Variants in CYBC1 observed in about 807,000 individuals in gnomAD.
CYBC1 encodes the protein cytochrome b-245 chaperone 1.
Under a neutral mutation model 21.7 loss-of-function variants are expected in CYBC1, and 22 were observed. That is an observed-to-expected ratio of 1.02 (90% confidence interval 0.73 to 1.45). The LOEUF (loss-of-function observed/expected upper bound fraction) is 1.45, where lower values mean the gene tolerates loss of function less well. Ranked by LOEUF, CYBC1 falls within the 40% of genes most tolerant of loss-of-function variation. CYBC1 has a pLI of 0.00. For missense variants in CYBC1, 237 were observed against 242.1 expected, an observed-to-expected ratio of 0.98 and a Z score of 0.14; for synonymous variants, 112 against 98.7, an observed-to-expected ratio of 1.13 and a Z score of -0.80.
intron 4 of CYBC1, 142 bp downstream of exon 4, chr17:82,446,481 G>A (rs1007248923): frequency 6.8e-6 from 5 of 739,526 alleles, no homozygotes; most frequent in Non-Finnish European, 1.2e-5. Flanking sequence ...CTGATGAACG[G>A]AGACCTCCAA....
In CYBC1 at chr17:82,444,050, G is replaced by A; in HGVS notation, c.518C>T (p.Ser173Phe). 6.2e-7 allele frequency: 1 copy of A among 1,613,600 alleles called. No individual in the cohort carries two copies. The highest frequency in any genetic ancestry group is 8.5e-7 in the Non-Finnish European group (1 of 1,179,996). ...ACCGGCCTCACTGTCGCTGCTCTGA[G>A]ACAGCTCTGTGGGGCTCTCAAGGCA... is the stretch of plus-strand genomic sequence containing the variant. Reference protein sequence around the residue: ...LHCLESPTELSQSSDSEAGDP... With the variant: ...LHCLESPTELFQSSDSEAGDP... The change falls in exon 7 of 7, where the codon TCT (serine) becomes TTT (phenylalanine). Residue 173 changes from serine to phenylalanine, a missense_variant. Ser to Phe is a radical substitution (Grantham distance 155). Transcript: ENST00000306645.
rs766201909 is a variant in CYBC1, at chr17:82,443,207, G to A, written c.*797C>T. 74 of 303,988 alleles carry A rather than the reference G, an allele frequency of 2.4e-4. No homozygotes were observed. The highest frequency in any genetic ancestry group is 4.2e-4 in the East Asian group (5 of 11,888). The allele number at this position is 303,988 out of a possible 1,614,324, so 18.8% of individuals were successfully genotyped here. A position where few individuals can be genotyped will look rare whatever the true frequency, so the allele number is the denominator to read the frequency against. On this transcript the variant is annotated 3_prime_UTR_variant, in exon 7 of 7. Coordinates refer to ENST00000306645, the MANE Select transcript of CYBC1 (RefSeq NM_001033046.4). This position sits in a 1 kb window ranked among gnomAD's most constrained non-coding sequence, Gnocchi z 6.7. ...ATTACTGGCATGAACCACTGCGCCC[G>A]GCTGGAGCTCCCGGTTTTTAAGCAC... is the stretch of plus-strand genomic sequence containing the variant.
intron 3 of CYBC1, chr17:82,447,077 G>T: frequency 3.0e-6 from 1 of 335,534 alleles, no homozygotes; most frequent in Non-Finnish European, 5.6e-6. Context: ...AATGTGGCCG[G>T]GCGCAGTGGC....
At chr17:82,450,523 C>G (rs1047705417) in intron 1 of CYBC1, 177 bp downstream of exon 1, 5 of 152,220 alleles carry the variant, frequency 3.3e-5, no homozygotes, top group African/African-American at 9.7e-5. Context: ...CTCCCGCCGC[C>G]GGGGCCAACC....
In CYBC1 at chr17:82,443,364, A is replaced by T; in HGVS notation, c.*640T>A. 1 of 467,606 alleles carries T rather than the reference A, an allele frequency of 2.1e-6. No individual in the cohort carries two copies. Among genetic ancestry groups the T allele is most frequent in the Non-Finnish European group, 4.0e-6 (1 of 249,548 alleles). The allele number at this position is 467,606 out of a possible 1,614,324, so 29.0% of individuals were successfully genotyped here. ...GTCTATGCGCCGAGATCCTGGCATC[A>T]GCAAGGGAGGCGGGTCCTCGGGGAG... is the stretch of plus-strand genomic sequence containing the variant. On this transcript the variant is annotated 3_prime_UTR_variant, in exon 7 of 7. Coordinates refer to ENST00000306645, the MANE Select transcript of CYBC1 (RefSeq NM_001033046.4). The surrounding 1 kb of genome is among the most constrained non-coding windows in gnomAD (Gnocchi z 6.7).
chr17:82,445,217 G>A, intron 5 of CYBC1: 1 of 154,140 alleles, frequency 6.5e-6, no homozygotes, highest in Non-Finnish European at 1.4e-5. Flanking sequence ...CTATGCATGG[G>A]CGGCCGGACC....
intron 5 of CYBC1, chr17:82,444,911 C>T (rs2054189958): frequency 3.9e-6 from 1 of 257,908 alleles, no homozygotes. Context: ...CTCCAGGTCT[C>T]CCCAAGGTTG....
At chr17:82,446,913 G>C (rs1483141430) in intron 3 of CYBC1, 1 of 590,282 alleles carries the variant, frequency 1.7e-6, no homozygotes, top group Admixed American at 3.0e-5. Flanking sequence ...GAGAGAGGCA[G>C]GTGGGGCGCA....
In CYBC1 at chr17:82,449,228, G is replaced by T; in HGVS notation, c.27C>A (p.Thr9=). Residue 9 remains threonine (T), a synonymous_variant, in exon 2 of 7, where the codon ACC becomes ACA. Transcript: ENST00000306645. The part of the protein sequence containing the change: MYLQVETR[T]SSRLHLKRAP... ...CCCTCTTCAGATGGAGGCGGGAGCT[G>T]GTGCGGGTCTCCACCTGCAGGTACA... 1.3e-6 allele frequency: 2 copies of T among 1,578,986 alleles called. No individual in the cohort carries two copies. The highest frequency in any genetic ancestry group is 1.7e-6 in the Non-Finnish European group (2 of 1,162,766).
Position 82,442,766 on chromosome 17 carries a change from G to A in CYBC1, c.*1238C>T, listed in dbSNP as rs906277645. On this transcript the variant is annotated 3_prime_UTR_variant, in exon 7 of 7. Transcript: ENST00000306645. This position sits in a 1 kb window ranked among gnomAD's most constrained non-coding sequence, Gnocchi z 6.8. ...GCTTTCACCGAGGTCACAGCCAGAC[G>A]TGGGGCAAAGGTGTTCCCTGTCCTA... 1.7e-5 allele frequency: 11 copies of A among 634,512 alleles called. No homozygotes were observed. Among genetic ancestry groups the A allele is most frequent in the African/African-American group, 9.1e-5 (5 of 54,736 alleles). The allele number at this position is 634,512 out of a possible 1,614,324, so 39.3% of individuals were successfully genotyped here.
At position 82,449,264 on chromosome 17, in the gene CYBC1, G is replaced by C. The variant is rs1462222544; in HGVS notation, c.-10C>G. ...CCACCTGCAGGTACATCCCGAGAGG[G>C]CAGCACCACTCTCTACAGGAGGAGG... On this transcript the variant is annotated 5_prime_UTR_variant, in exon 2 of 7. Transcript: ENST00000306645. The C allele has an allele frequency of 6.4e-7, 1 of 1,555,566 alleles. No homozygotes were observed. Among genetic ancestry groups the C allele is most frequent in the African/African-American group, 1.4e-5 (1 of 73,170 alleles).
In CYBC1 at chr17:82,449,231, G is replaced by A; in HGVS notation, c.24C>T (p.Arg8=). The A allele has an allele frequency of 6.3e-7, 1 of 1,577,854 alleles. No homozygotes were observed. The highest frequency in any genetic ancestry group is 8.6e-7 in the Non-Finnish European group (1 of 1,162,186). Residue 8 remains arginine (R), a synonymous_variant, in exon 2 of 7, where the codon CGC becomes CGT. Coordinates refer to ENST00000306645, the MANE Select transcript of CYBC1 (RefSeq NM_001033046.4). MYLQVET[R]TSSRLHLKRA... is the part of the protein sequence containing the mutation. The stretch of plus-strand genomic sequence containing the variant: ...TCTTCAGATGGAGGCGGGAGCTGGT[G>A]CGGGTCTCCACCTGCAGGTACATCC...
chr17:82,444,871 G>A (rs1182415583), intron 5 of CYBC1: 2 of 446,330 alleles, frequency 4.5e-6, no homozygotes, highest in Admixed American at 7.5e-5. Flanking sequence ...GACCCGCTCA[G>A]CGCGAGGCCA....
In CYBC1 at chr17:82,445,596, CCT is replaced by C. The variant is rs2054235118; in HGVS notation, c.298+266_298+267del. On this transcript the variant is annotated intron_variant, in intron 5 of 6. Transcript: ENST00000306645. ...ACCCCTGCTCTGCCAGACCCCTGCT[CCT>C]CAGACCCCTGCTCCTCCCACTCTCC... 27 of 383,188 alleles carry C rather than the reference CCT, an allele frequency of 7.0e-5. No individual in the cohort carries two copies. The Admixed American group carries it at 1.1e-3, about 16-fold the overall frequency. The allele number at this position is 383,188 out of a possible 1,614,324, so 23.7% of individuals were successfully genotyped here.
At chr17:82,446,479 C>G in intron 4 of CYBC1, 144 bp downstream of exon 4, 1 of 731,920 alleles carries the variant, frequency 1.4e-6, no homozygotes, top group Non-Finnish European at 2.3e-6. Context: ...TCCTGATGAA[C>G]GGAGACCTCC....
chr17:82,443,562 C>T lies in CYBC1; in HGVS notation c.*442G>A, dbSNP rs1437940767. On this transcript the variant is annotated 3_prime_UTR_variant, in exon 7 of 7. Transcript: ENST00000306645. The surrounding 1 kb of genome is among the most constrained non-coding windows in gnomAD (Gnocchi z 6.7). ...CCACAAGGGCCCGGCCTGGCCCCGC[C>T]TCTCCACTCGCCCGAGGTCTTGCTG... 9 of 701,900 alleles carry T rather than the reference C, an allele frequency of 1.3e-5. No homozygotes were observed. In the East Asian group the frequency reaches 2.4e-4, roughly 19 times the overall value. 43.5% of individuals were successfully genotyped at this position (701,900 alleles called of 1,614,324 possible).
intron 5 of CYBC1, chr17:82,444,863 C>A: frequency 4.2e-6 from 2 of 473,750 alleles, no homozygotes; most frequent in Non-Finnish European, 3.8e-6. Context: ...ACTGCGGGGA[C>A]CCGCTCAGCG....
rs114437022 is a variant in CYBC1 at position 82,445,786 on chromosome 17, G to A, written c.298+78C>T. On this transcript the variant is annotated intron_variant, in intron 5 of 6. Coordinates refer to ENST00000306645, the MANE Select transcript of CYBC1 (RefSeq NM_001033046.4). ...AAGGCACTTCCAGGCCCCCCTCTAG[G>A]CCCCGTGAGTCACCCAGACGCCCAA... 1,607 of 1,093,628 alleles carry A rather than the reference G, an allele frequency of 1.5e-3. 16 individuals are homozygous for A. The African/African-American group carries it at 0.023, about 16-fold the overall frequency. 67.7% of individuals were successfully genotyped at this position (1,093,628 alleles called of 1,614,324 possible).
At position 82,442,670 on chromosome 17, in the gene CYBC1, TG is replaced by T; in HGVS notation, c.*1333del. 7.4e-7 allele frequency: 1 copy of T among 1,354,142 alleles called. No individual in the cohort carries two copies. The highest frequency in any genetic ancestry group is 1.0e-6 in the Non-Finnish European group (1 of 983,422). 83.9% of individuals were successfully genotyped at this position (1,354,142 alleles called of 1,614,324 possible). ...ACACGTGAAGGGTTATTTATGGTTATGATGACCCTGTCCTGCAACGAGGGAC... is the reference window on the plus strand; with the variant it reads ...ACACGTGAAGGGTTATTTATGGTTATATGACCCTGTCCTGCAACGAGGGAC... On this transcript the variant is annotated 3_prime_UTR_variant, in exon 7 of 7. Transcript: ENST00000306645. The surrounding 1 kb of genome is among the most constrained non-coding windows in gnomAD (Gnocchi z 6.8).
Sources: allele counts gnomAD v4.1 joint callset, GRCh38; gene constraint gnomAD v4.1.1; non-coding constraint Gnocchi (gnomAD v3.1); transcripts MANE v1.5; gene names NCBI Gene and HGNC (gene_info 2026-07-23, HGNC 2026-07-21).